The following FGFR2 variants were observed in gnomAD, a reference collection of about 807,000 sequenced individuals.
FGFR2 encodes the protein BEK fibroblast growth factor receptor.
FGFR2 carries 19 observed loss-of-function variants against 95.9 expected under a neutral mutation model. The observed-to-expected ratio is 0.20, with a 90% CI of 0.14 to 0.29. The LOEUF is 0.29. FGFR2 is among the 10% of genes least tolerant of loss of function. The probability of loss-of-function intolerance (pLI) is 1.00; values close to 1 mark genes in which losing one functional copy is unlikely to be tolerated. For synonymous variants in FGFR2, 392 were observed against 393.3 expected (o/e 1.00, Z 0.04); for missense variants, 707 against 1,056.9 (o/e 0.67, Z 4.59).
intron 4 of FGFR2, among the ~76,000 whole-genome samples, chr10:121,556,088 G>A (rs1409469423): frequency 6.6e-6 from 1 of 152,144 alleles, no homozygotes; most frequent in Non-Finnish European, 1.5e-5. Flanking sequence ...TATGGAGTAG[G>A]CACTCAAGCG....
At chr10:121,508,661 C>T (rs1848629248) in intron 9 of FGFR2, among the ~76,000 whole-genome samples, 1 of 152,076 alleles carries the variant, frequency 6.6e-6, no homozygotes, top group South Asian at 2.1e-4. Flanking sequence ...AAAATGAGGT[C>T]TACAAGAAGG....
intron 1 of FGFR2, among the ~76,000 whole-genome samples, chr10:121,596,057 CAT>C: frequency 6.6e-6 from 1 of 152,266 alleles, no homozygotes; most frequent in African/African-American, 2.4e-5. Context: ...ACAGGCCCAG[CAT>C]GCCGCTGGCG....
intron 6 of FGFR2, chr10:121,526,897 C>T (rs561383515): frequency 7.6e-6 from 3 of 396,268 alleles, no homozygotes; most frequent in East Asian, 7.1e-5. Flanking sequence ...CTTGCAGAAT[C>T]GGCTGGGGCT....
intron 2 of FGFR2, among the ~76,000 whole-genome samples, 188 bp downstream of exon 2, chr10:121,593,521 G>A (rs1344566594): frequency 6.6e-6 from 1 of 152,080 alleles, no homozygotes; most frequent in African/African-American, 2.4e-5. Flanking sequence ...ATACCATCCT[G>A]CCTGCAGTGC....
chr10:121,496,147 T>C (rs978078686), intron 13 of FGFR2, among the ~76,000 whole-genome samples: 6 of 151,800 alleles, frequency 4.0e-5, no homozygotes, highest in African/African-American at 1.2e-4. Context: ...AAAGTCTATG[T>C]TCAAAAACTC....
intron 12 of FGFR2, 100 bp downstream of exon 12, chr10:121,498,395 A>C: frequency 1.2e-6 from 1 of 803,756 alleles, no homozygotes; most frequent in Non-Finnish European, 2.2e-6. Flanking sequence ...ACATGCACAC[A>C]GGGTGCTCTG....
chr10:121,539,537 A>T (rs1853377852), intron 5 of FGFR2, among the ~76,000 whole-genome samples: 1 of 152,142 alleles, frequency 6.6e-6, no homozygotes, highest in Non-Finnish European at 1.5e-5. Flanking sequence ...ATAGACTCAA[A>T]TTTTCAAACT....
At chr10:121,550,673 C>T (rs974415633) in intron 5 of FGFR2, among the ~76,000 whole-genome samples, 2 of 152,212 alleles carry the variant, frequency 1.3e-5, no homozygotes, top group African/African-American at 2.4e-5. Flanking sequence ...GCTTCTCAAA[C>T]TCCACACCCG....
chr10:121,559,391 G>T (rs963797246), intron 4 of FGFR2, among the ~76,000 whole-genome samples: 1 of 152,132 alleles, frequency 6.6e-6, no homozygotes, highest in African/African-American at 2.4e-5. Context: ...TAATGGCAAC[G>T]TCCCCTTTCC....
At chr10:121,491,006 T>C (rs553586460) in intron 13 of FGFR2, among the ~76,000 whole-genome samples, 8 of 152,228 alleles carry the variant, frequency 5.3e-5, no homozygotes, top group Admixed American at 4.6e-4. Context: ...CCTGTTCAAA[T>C]TGAACTTCCA....
At chr10:121,501,694 A>T (rs900182552) in intron 10 of FGFR2, among the ~76,000 whole-genome samples, 3 of 152,192 alleles carry the variant, frequency 2.0e-5, no homozygotes, top group African/African-American at 7.2e-5. Flanking sequence ...TAAGCATAAC[A>T]CAGCAAAGCA....
rs764959117 is a variant in FGFR2 at position 121,479,907 on chromosome 10, C to G, written c.2416G>C (p.Glu806Gln). The G allele has an allele frequency of 6.2e-7, 1 of 1,613,992 alleles. No individual in the cohort carries two copies. Residue 806 changes from glutamate to glutamine, a missense_variant, in exon 18 of 18, where the codon GAA (glutamate) becomes CAA (glutamine). This residue lies in a region of FGFR2 where 51 missense variants were observed against 50.2 expected (regional missense o/e 1.01). Coordinates refer to ENST00000358487, the MANE Select transcript of FGFR2 (RefSeq NM_000141.5). Reference protein sequence around the residue: ...SVFSPDPMPYEPCLPQYPHIN... With the variant: ...SVFSPDPMPYQPCLPQYPHIN... ...TGTGGATACTGAGGAAGGCATGGTT[C>G]GTAAGGCATGGGGTCTGGAGAAAAA...
In FGFR2 at chr10:121,581,932, G is replaced by A. The variant is rs1426891648; in HGVS notation, c.109+11777C>T. On this transcript the variant is annotated intron_variant, in intron 2 of 17. Transcript: ENST00000358487. Reference sequence around the variant, plus strand: ...TTTTTTATTTTTGTTTATTTATTTTGATTTTTTTTTTTATTTTTGAGACAG... The same window carrying A: ...TTTTTTATTTTTGTTTATTTATTTTAATTTTTTTTTTTATTTTTGAGACAG... Among the ~76,000 whole-genome samples the A allele has an allele frequency of 3.0e-5, 3 of 100,908 alleles. No homozygotes were observed. The South Asian group carries it at 9.1e-4, about 31-fold the overall frequency. The allele number at this position is 100,908 out of a possible 152,430, so 66.2% of individuals were successfully genotyped here.
At position 121,551,299 on chromosome 10, in the gene FGFR2, T is replaced by C. The variant is rs2134828421; in HGVS notation, c.615A>G (p.Gly205=). 6.2e-7 allele frequency: 1 copy of C among 1,614,158 alleles called. No individual in the cohort carries two copies. The highest frequency in any genetic ancestry group is 1.1e-5 in the South Asian group (1 of 91,086). ...GKEFKQEHRI[G]GYKVRNQHWS... ...GAAAGCTTAATTCTACCTTGTAGCC[T>C]CCAATGCGATGCTCCTGCTTAAACT... Residue 205 remains glycine, a synonymous_variant, in exon 5 of 18, where the codon GGA becomes GGG. Coordinates refer to ENST00000358487, the MANE Select transcript of FGFR2 (RefSeq NM_000141.5).
At chr10:121,503,676 ACAT>A (rs1226410268) in intron 10 of FGFR2, 111 bp downstream of exon 10, 13 of 1,137,206 alleles carry the variant, frequency 1.1e-5, no homozygotes, top group Non-Finnish European at 1.7e-5. Context: ...ACTCCTGCTG[ACAT>A]CATCACACCA....
intron 12 of FGFR2, 136 bp downstream of exon 12, chr10:121,498,359 A>G (rs1313444847): frequency 1.3e-5 from 9 of 709,002 alleles, no homozygotes; most frequent in Non-Finnish European, 2.0e-5. Flanking sequence ...AACATCTTCC[A>G]ATGGGGATTT....
At chr10:121,568,398 C>CA (rs1464579114) in intron 2 of FGFR2, among the ~76,000 whole-genome samples, 1 of 152,156 alleles carries the variant, frequency 6.6e-6, no homozygotes, top group Non-Finnish European at 1.5e-5. Context: ...TCTATTATGA[C>CA]AACATCACAT....
At chr10:121,580,796 C>G (rs1341205612) in intron 2 of FGFR2, among the ~76,000 whole-genome samples, 1 of 152,204 alleles carries the variant, frequency 6.6e-6, no homozygotes, top group Non-Finnish European at 1.5e-5. Flanking sequence ...CTGCTCCAAA[C>G]CGCATATTTG....
chr10:121,510,478 G>A (rs529935563), intron 9 of FGFR2, among the ~76,000 whole-genome samples: 4 of 152,260 alleles, frequency 2.6e-5, no homozygotes, highest in East Asian at 1.9e-4. Flanking sequence ...TTCTGGAGCC[G>A]GTAAGGTTTA....
Sources: allele counts gnomAD v4.1 joint callset (sites outside exome capture counted in the v4.1 genomes callset), GRCh38; gene constraint gnomAD v4.1.1; regional missense constraint gnomAD v4.1.1; transcripts MANE v1.5; gene names NCBI Gene and HGNC (gene_info 2026-07-23, HGNC 2026-07-21).